Variants in ETV1 observed in about 807,000 individuals in gnomAD.
The protein encoded by ETV1 is ETS translocation variant 1.
A neutral mutation model predicts 62.3 loss-of-function variants in ETV1; 27 were observed. That is an observed-to-expected ratio of 0.43 (90% CI 0.32 to 0.60). The LOEUF is 0.60. ETV1 is among the 20% of genes least tolerant of loss of function. ETV1 has a pLI of 0.06. For missense variants in ETV1, 605 were observed against 605.8 expected (o/e 1.00, Z 0.01); for synonymous variants, 222 against 199.6 (o/e 1.11, Z -0.94).
At chr7:13,939,660 A>C in intron 6 of ETV1, among the ~76,000 whole-genome samples, 1 of 152,242 alleles carries the variant, frequency 6.6e-6, no homozygotes. Flanking sequence ...TTGAAAGGAA[A>C]ATATATCAAC....
At chr7:13,909,355 T>C (rs1783316590) in intron 11 of ETV1, among the ~76,000 whole-genome samples, 1 of 152,092 alleles carries the variant, frequency 6.6e-6, no homozygotes, top group East Asian at 1.9e-4. Context: ...AGCAGGGCAA[T>C]GGAAAGCCCC....
rs1781500895 is a variant in ETV1, at chr7:13,893,258, AAC to A, written c.*2606_*2607del. On this transcript the variant is annotated 3_prime_UTR_variant, in exon 14 of 14. Coordinates refer to ENST00000430479, the MANE Select transcript of ETV1 (RefSeq NM_004956.5). ...GTAGCCAATTCAATGAGAAATTCAA[AAC>A]ACAAGAATCTTGCAGAAATCAGCTG... 1 of 232,310 alleles carries A rather than the reference AAC, an allele frequency of 4.3e-6. No individual in the cohort carries two copies. Among genetic ancestry groups the A allele is most frequent in the African/African-American group, 2.2e-5 (1 of 45,328 alleles). The allele number at this position is 232,310 out of a possible 1,614,324, so 14.4% of individuals were successfully genotyped here.
In ETV1 at chr7:13,931,538, T is replaced by C; in HGVS notation, c.766A>G (p.Ile256Val). The C allele has an allele frequency of 6.2e-7, 1 of 1,614,040 alleles. No individual in the cohort carries two copies. Among genetic ancestry groups the C allele is most frequent in the Non-Finnish European group, 8.5e-7 (1 of 1,179,890 alleles). The part of the protein sequence containing the change: ...ASQSFPPPLM[I>V]KQEPRDFAYD... Reference sequence around the variant, plus strand: ...GCAAAATCTCTGGGTTCCTGTTTAATCATCAGAGGAGGGGGAAAGCTTTGG... The same window carrying C: ...GCAAAATCTCTGGGTTCCTGTTTAACCATCAGAGGAGGGGGAAAGCTTTGG... The change falls in exon 9 of 14, where the codon ATT becomes GTT. Residue 256 changes from isoleucine to valine, a missense_variant. By Grantham distance (29) the Ile-to-Val change is conservative. Coordinates refer to ENST00000430479, the MANE Select transcript of ETV1 (RefSeq NM_004956.5).
intron 5 of ETV1, among the ~76,000 whole-genome samples, chr7:13,982,647 A>G (rs972850105): frequency 3.9e-5 from 6 of 152,030 alleles, no homozygotes; most frequent in African/African-American, 1.4e-4. Context: ...ACATGAAATT[A>G]TTGTTGTTCA....
At chr7:13,951,959 A>G (rs1199695770) in intron 6 of ETV1, among the ~76,000 whole-genome samples, 2 of 152,206 alleles carry the variant, frequency 1.3e-5, no homozygotes, top group Non-Finnish European at 2.9e-5. Context: ...GTAGAAACAG[A>G]GCTTCAAGCC....
chr7:13,972,828 T>C (rs1781039753), intron 6 of ETV1, among the ~76,000 whole-genome samples: 1 of 152,166 alleles, frequency 6.6e-6, no homozygotes, highest in South Asian at 2.1e-4. Context: ...CAGGCTGGTC[T>C]CCAACTCCCG....
chr7:13,909,740 T>C (rs773670861), intron 10 of ETV1, 40 bp from the exon 11 acceptor site: 20 of 1,504,344 alleles, frequency 1.3e-5, no homozygotes, highest in Admixed American at 3.5e-5. Context: ...ATGATAGAAA[T>C]GAAGCTCACA....
intron 9 of ETV1, among the ~76,000 whole-genome samples, chr7:13,912,801 C>T (rs1783695087): frequency 6.6e-6 from 1 of 151,970 alleles, no homozygotes; most frequent in Non-Finnish European, 1.5e-5. Flanking sequence ...GGAGATTATC[C>T]CCATAAAGTA....
At chr7:13,921,421 A>G (rs1784837288) in intron 9 of ETV1, among the ~76,000 whole-genome samples, 2 of 152,208 alleles carry the variant, frequency 1.3e-5, no homozygotes, top group African/African-American at 4.8e-5. Context: ...ATAGTATTGA[A>G]TATGGAATGG....
chr7:13,925,819 G>C (rs1193450266), intron 9 of ETV1, among the ~76,000 whole-genome samples: 1 of 151,716 alleles, frequency 6.6e-6, no homozygotes, highest in Non-Finnish European at 1.5e-5. Flanking sequence ...CCCTCCCAAA[G>C]TGCTGGGATT....
chr7:13,972,225 A>C (rs1021716867), intron 6 of ETV1, among the ~76,000 whole-genome samples: 4 of 152,162 alleles, frequency 2.6e-5, no homozygotes, highest in African/African-American at 9.7e-5. Flanking sequence ...AGATCACTTA[A>C]GCCCAGGAGT....
chr7:13,947,408 AC>A (rs1251604952), intron 6 of ETV1, among the ~76,000 whole-genome samples: 5,740 of 148,754 alleles, frequency 0.039, 318 homozygotes, highest in African/African-American at 0.13. Context: ...AAAAAAAAAA[AC>A]AAACTCAAAC....
chr7:13,959,284 G>C (rs1789869880), intron 6 of ETV1, among the ~76,000 whole-genome samples: 1 of 152,090 alleles, frequency 6.6e-6, no homozygotes, highest in African/African-American at 2.4e-5. Context: ...GTTATCAATA[G>C]GAAGTAGTAG....
chr7:13,980,600 A>T (rs971383230), intron 5 of ETV1, among the ~76,000 whole-genome samples: 1 of 152,122 alleles, frequency 6.6e-6, no homozygotes, highest in East Asian at 1.9e-4. Context: ...ATACCAAAAG[A>T]CCAATAAAAT....
chr7:13,973,150 T>G (rs1023123996), intron 6 of ETV1, among the ~76,000 whole-genome samples: 2 of 152,234 alleles, frequency 1.3e-5, no homozygotes, highest in Non-Finnish European at 2.9e-5. Flanking sequence ...CATGTTACAG[T>G]CAAATGCATG....
intron 10 of ETV1, chr7:13,910,513 A>C: frequency 1.7e-6 from 1 of 577,720 alleles, no homozygotes; most frequent in Non-Finnish European, 2.2e-6. Context: ...ATCTCATACT[A>C]CCCTTTAAAA....
intron 9 of ETV1, among the ~76,000 whole-genome samples, chr7:13,923,768 C>G (rs766846199): frequency 6.6e-6 from 1 of 152,096 alleles, no homozygotes; most frequent in Non-Finnish European, 1.5e-5. Context: ...CACAGTGGCT[C>G]ACACCTGTTA....
Position 13,895,598 on chromosome 7 carries a change from A to C in ETV1, c.*268T>G, listed in dbSNP as rs903689203. ...GTAGGACCCCATCCCAAGCCTAAGT[A>C]AAAAGTAATCCCCAAATCCCTCTGC... On this transcript the variant is annotated 3_prime_UTR_variant, in exon 14 of 14. Coordinates refer to ENST00000430479, the MANE Select transcript of ETV1 (RefSeq NM_004956.5). 1 of 423,718 alleles carries C rather than the reference A, an allele frequency of 2.4e-6. No homozygotes were observed. The highest frequency in any genetic ancestry group is 4.2e-6 in the Non-Finnish European group (1 of 236,290). The allele number at this position is 423,718 out of a possible 1,614,324, so 26.2% of individuals were successfully genotyped here. A position where few individuals can be genotyped will look rare whatever the true frequency, so the allele number is the denominator to read the frequency against.
chr7:13,909,941 C>T (rs1391073525), intron 10 of ETV1, among the ~76,000 whole-genome samples: 1 of 152,068 alleles, frequency 6.6e-6, no homozygotes. Flanking sequence ...ATGCCTAGTA[C>T]ACAGTGAAAT....
Sources: allele counts gnomAD v4.1 joint callset (sites outside exome capture counted in the v4.1 genomes callset), GRCh38; gene constraint gnomAD v4.1.1; transcripts MANE v1.5; gene names NCBI Gene and HGNC (gene_info 2026-07-23, HGNC 2026-07-21).